EBF1: variants seen among roughly 807,000 people sequenced by gnomAD.
The protein encoded by EBF1 is EBF transcription factor 1.
In EBF1, 10 loss-of-function variants were observed where a neutral mutation model predicts 68.4. The ratio of observed to expected loss-of-function variants is 0.15; its 90% confidence interval spans 0.09 to 0.25. The LOEUF (loss-of-function observed/expected upper bound fraction) is 0.25. EBF1 is among the 10% of genes least tolerant of loss of function. The pLI is 1.00. For missense variants in EBF1, 509 were observed against 794.4 expected, an observed-to-expected ratio of 0.64 and a Z score of 4.32; for synonymous variants, 298 against 299.8, an observed-to-expected ratio of 0.99 and a Z score of 0.06.
At chr5:158,905,267 T>A (rs1804330640) in intron 6 of EBF1, among the ~76,000 whole-genome samples, 1 of 152,238 alleles carries the variant, frequency 6.6e-6, no homozygotes, top group African/African-American at 2.4e-5. Context: ...TGTTACTTGG[T>A]AATCAAATTT....
chr5:158,713,210 T>A, intron 12 of EBF1, 63 bp from the exon 13 acceptor site: 1 of 1,309,760 alleles, frequency 7.6e-7, no homozygotes, highest in Non-Finnish European at 9.8e-7. Flanking sequence ...AATACCATTT[T>A]TTCGGTGCCA....
At chr5:158,965,447 T>C (rs1328168996) in intron 6 of EBF1, among the ~76,000 whole-genome samples, 1 of 152,250 alleles carries the variant, frequency 6.6e-6, no homozygotes, top group Non-Finnish European at 1.5e-5. Flanking sequence ...ATTAATATCA[T>C]GCAGAAGTTT....
At chr5:158,746,910 A>T (rs1180421961) in intron 10 of EBF1, among the ~76,000 whole-genome samples, 1 of 152,144 alleles carries the variant, frequency 6.6e-6, no homozygotes, top group African/African-American at 2.4e-5. Context: ...AGGTATTGTG[A>T]CCCTTTAAGG....
chr5:158,866,591 G>A (rs1297235109), intron 6 of EBF1, among the ~76,000 whole-genome samples: 1 of 151,768 alleles, frequency 6.6e-6, no homozygotes, highest in Non-Finnish European at 1.5e-5. Context: ...TTCAAAGCCC[G>A]AAACCTAATC....
intron 11 of EBF1, among the ~76,000 whole-genome samples, chr5:158,714,483 A>T (rs1253862075): frequency 6.6e-6 from 1 of 151,706 alleles, no homozygotes; most frequent in Non-Finnish European, 1.5e-5. Flanking sequence ...TAGGTCATTT[A>T]CTAGATTACT....
intron 5 of EBF1, among the ~76,000 whole-genome samples, chr5:159,075,775 G>A (rs984303705): frequency 6.6e-6 from 1 of 152,116 alleles, no homozygotes; most frequent in Non-Finnish European, 1.5e-5. Context: ...CATGATACCA[G>A]ACCACCTCCC....
chr5:159,032,155 A>G (rs987158784), intron 6 of EBF1, among the ~76,000 whole-genome samples: 3 of 152,214 alleles, frequency 2.0e-5, no homozygotes, highest in Admixed American at 1.3e-4. Context: ...AAGAATAACA[A>G]TAGAACAACT....
At chr5:158,892,139 T>C (rs754704410) in intron 6 of EBF1, among the ~76,000 whole-genome samples, 14 of 152,104 alleles carry the variant, frequency 9.2e-5, no homozygotes, top group Non-Finnish European at 1.8e-4. Flanking sequence ...AGTTTAATAT[T>C]CTATTCAACA....
intron 6 of EBF1, among the ~76,000 whole-genome samples, chr5:159,006,647 TAAAAAAAAAAAAAA>T (rs36045942): frequency 1.8e-4 from 10 of 56,226 alleles, no homozygotes; most frequent in African/African-American, 2.6e-4. Flanking sequence ...ATAGCCATGT[TAAAAAAAAAAAAAA>T]AAAAAAAAAA....
At chr5:158,978,797 T>TACACACACACACACACACACACACAC in intron 6 of EBF1, among the ~76,000 whole-genome samples, 1 of 142,926 alleles carries the variant, frequency 7.0e-6, no homozygotes, top group Non-Finnish European at 1.5e-5. Context: ...CACACACACA[T>TACACACACACACACACACACACACAC]ACACACACAC....
At chr5:158,939,013 C>A (rs1254417470) in intron 6 of EBF1, among the ~76,000 whole-genome samples, 1 of 152,166 alleles carries the variant, frequency 6.6e-6, no homozygotes, top group Non-Finnish European at 1.5e-5. Context: ...ACTTTCCCAC[C>A]AGTCTCCAGG....
intron 6 of EBF1, chr5:158,986,289 T>C (rs1490890617): frequency 6.6e-6 from 1 of 152,258 alleles, no homozygotes; most frequent in African/African-American, 2.4e-5. Flanking sequence ...TGACAAGTCC[T>C]GGATGAAATG....
intron 6 of EBF1, among the ~76,000 whole-genome samples, chr5:158,891,163 C>T (rs1262558580): frequency 6.6e-6 from 1 of 152,156 alleles, no homozygotes; most frequent in Non-Finnish European, 1.5e-5. Context: ...TTGAGCACAA[C>T]AATGCTTTCT....
At chr5:158,874,425 G>A (rs1797430488) in intron 6 of EBF1, among the ~76,000 whole-genome samples, 1 of 152,160 alleles carries the variant, frequency 6.6e-6, no homozygotes, top group African/African-American at 2.4e-5. Context: ...AATAGGTGCA[G>A]AGAAACTGTC....
chr5:158,827,394 A>G (rs1786412302), intron 7 of EBF1, among the ~76,000 whole-genome samples: 1 of 152,224 alleles, frequency 6.6e-6, no homozygotes. Context: ...ATTGGTTTAT[A>G]TAATGTCGCT....
intron 15 of EBF1, among the ~76,000 whole-genome samples, chr5:158,702,702 C>T (rs894105528): frequency 4.3e-5 from 6 of 139,210 alleles, no homozygotes; most frequent in African/African-American, 1.6e-4. Context: ...CGAGATCGCG[C>T]CACTGCACTC....
intron 15 of EBF1, among the ~76,000 whole-genome samples, chr5:158,707,273 GT>G (rs1421969479): frequency 6.6e-6 from 1 of 152,188 alleles, no homozygotes. Flanking sequence ...GGTGTGCTCA[GT>G]TTTAAAAGGT....
At chr5:159,086,075 T>TA (rs1478435996) in intron 4 of EBF1, among the ~76,000 whole-genome samples, 2 of 152,204 alleles carry the variant, frequency 1.3e-5, no homozygotes, top group Non-Finnish European at 2.9e-5. Context: ...CCTTGTATTT[T>TA]AAAAATTTTT....
At chr5:158,728,913 A>G (rs1305152548) in intron 11 of EBF1, among the ~76,000 whole-genome samples, 4 of 152,192 alleles carry the variant, frequency 2.6e-5, no homozygotes, top group Non-Finnish European at 5.9e-5. Flanking sequence ...AAGGGCACCC[A>G]TGAGATGACC....
Sources: allele counts gnomAD v4.1 joint callset (sites outside exome capture counted in the v4.1 genomes callset), GRCh38; gene constraint gnomAD v4.1.1; transcripts MANE v1.5; gene names NCBI Gene and HGNC (gene_info 2026-07-23, HGNC 2026-07-21).